The following OSBPL9 variants were observed in gnomAD, a reference collection of about 807,000 sequenced individuals.
OSBPL9 encodes the protein oxysterol-binding protein-related protein 9.
OSBPL9 carries 40 observed loss-of-function variants against 106.6 expected under a neutral mutation model. The ratio of observed to expected loss-of-function variants is 0.38; its 90% confidence interval spans 0.29 to 0.49. OSBPL9 has a LOEUF of 0.49. OSBPL9 is among the 20% of genes least tolerant of loss of function. OSBPL9 has a pLI of 0.97. For synonymous variants in OSBPL9, 269 were observed against 295.4 expected (o/e 0.91, Z 0.92); for missense variants, 609 against 887.2 (o/e 0.69, Z 3.98).
At chr1:51,654,171 G>T (rs1646685288) in intron 2 of OSBPL9, among the ~76,000 whole-genome samples, 1 of 152,134 alleles carries the variant, frequency 6.6e-6, no homozygotes, top group Non-Finnish European at 1.5e-5. Flanking sequence ...ATCAGACTTA[G>T]GTTTGATCCC....
the OSBPL9 span, among the ~76,000 whole-genome samples, chr1:51,521,327 G>A: frequency 1.3e-5 from 2 of 152,146 alleles, no homozygotes; most frequent in Non-Finnish European, 2.9e-5. Flanking sequence ...TCGCTTTGGG[G>A]AGTATAATTT....
chr1:51,580,719 A>G (rs1645215517), intron 1 of OSBPL9, among the ~76,000 whole-genome samples: 1 of 151,570 alleles, frequency 6.6e-6, no homozygotes, highest in Non-Finnish European at 1.5e-5. Flanking sequence ...GCAGGCAAAT[A>G]AATTATCTGC....
At chr1:51,756,423 G>GGCTTCTCCT in intron 9 of OSBPL9, 65 bp downstream of exon 9, 5 of 1,485,278 alleles carry the variant, frequency 3.4e-6, no homozygotes, top group Non-Finnish European at 4.7e-6. Flanking sequence ...AGTCATATCA[G>GGCTTCTCCT]GAGAAGCCTG....
the OSBPL9 span, among the ~76,000 whole-genome samples, chr1:51,568,303 A>G: frequency 5.9e-5 from 9 of 152,224 alleles, no homozygotes; most frequent in African/African-American, 2.2e-4. Context: ...TCTTACAAGT[A>G]GGTGTTACTA....
intron 4 of OSBPL9, among the ~76,000 whole-genome samples, chr1:51,738,271 T>C (rs1666143599): frequency 6.6e-6 from 1 of 152,024 alleles, no homozygotes; most frequent in South Asian, 2.1e-4. Flanking sequence ...AGTAAGGAAT[T>C]GTGCTAAGGG....
At chr1:51,783,215 C>G (rs1266211961) in intron 17 of OSBPL9, among the ~76,000 whole-genome samples, 3 of 152,064 alleles carry the variant, frequency 2.0e-5, no homozygotes, top group African/African-American at 7.2e-5. Flanking sequence ...GGGTCTTGCT[C>G]TGTCCCCCAG....
At chr1:51,747,603 G>A (rs1412319168) in intron 6 of OSBPL9, among the ~76,000 whole-genome samples, 2 of 88,998 alleles carry the variant, frequency 2.2e-5, no homozygotes, top group Non-Finnish European at 4.2e-5. Flanking sequence ...GTATAGCCTT[G>A]CGTTTGGCTC....
chr1:51,769,676 G>A (rs1673416471), intron 12 of OSBPL9, among the ~76,000 whole-genome samples: 2 of 152,156 alleles, frequency 1.3e-5, no homozygotes, highest in Non-Finnish European at 2.9e-5. Context: ...ATACATAGGT[G>A]TTGTTTTTAA....
At chr1:51,719,026 T>TC (rs938415718) in intron 4 of OSBPL9, among the ~76,000 whole-genome samples, 1 of 152,194 alleles carries the variant, frequency 6.6e-6, no homozygotes, top group Non-Finnish European at 1.5e-5. Context: ...TGACTCTTTT[T>TC]CCCCCTAATC....
chr1:51,658,742 A>G (rs1382265361), intron 2 of OSBPL9, among the ~76,000 whole-genome samples: 1 of 151,670 alleles, frequency 6.6e-6, no homozygotes, highest in African/African-American at 2.4e-5. Context: ...CATTGATACC[A>G]TCACTTTTTT....
intron 4 of OSBPL9, among the ~76,000 whole-genome samples, chr1:51,741,992 G>T (rs906943369): frequency 1.3e-5 from 2 of 152,160 alleles, no homozygotes; most frequent in Non-Finnish European, 2.9e-5. Flanking sequence ...TGGAGAAAAG[G>T]CTTGAGGGAG....
In OSBPL9 at chr1:51,748,414, G is replaced by T; in HGVS notation, c.492+16G>T. 6.8e-7 allele frequency: 1 copy of T among 1,477,506 alleles called. No individual in the cohort carries two copies. The highest frequency in any genetic ancestry group is 8.9e-7 in the Non-Finnish European group (1 of 1,118,076). The allele number at this position is 1,477,506 out of a possible 1,614,324, so 91.5% of individuals were successfully genotyped here. ...GACAACAAATGTAAGTTATATGTTT[G>T]ATACATTCTGACTTTGCATTAGAAA... On this transcript the variant is annotated intron_variant, in intron 7 of 23. Coordinates refer to ENST00000428468, the MANE Select transcript of OSBPL9 (RefSeq NM_024586.6).
Position 51,760,753 on chromosome 1 carries a change from A to G in OSBPL9, c.646A>G (p.Met216Val), listed in dbSNP as rs1195626863. The change falls in exon 10 of 24, where the codon ATG becomes GTG. Residue 216 changes from methionine (M) to valine (V), a missense_variant. By Grantham distance (21) the Met-to-Val change is conservative. Coordinates refer to ENST00000428468, the MANE Select transcript of OSBPL9 (RefSeq NM_024586.6). ...PSPLEPVIST[M>V]PSQTVLPPEP... ...TCCTTTGGAACCTGTGATCAGCACA[A>G]TGCCTTCCCAGACTGTGTTACCTCC... 2 of 1,613,790 alleles carry G rather than the reference A, an allele frequency of 1.2e-6. No individual in the cohort carries two copies. Among genetic ancestry groups the G allele is most frequent in the East Asian group, 2.2e-5 (1 of 44,854 alleles).
intron 1 of OSBPL9, among the ~76,000 whole-genome samples, chr1:51,639,745 G>A (rs1419145462): frequency 1.3e-5 from 2 of 149,898 alleles, no homozygotes; most frequent in African/African-American, 4.9e-5. Flanking sequence ...TGTACTTTAA[G>A]CAAAGTAAAA....
the OSBPL9 span, among the ~76,000 whole-genome samples, chr1:51,545,213 G>A: frequency 6.6e-6 from 1 of 152,162 alleles, no homozygotes; most frequent in Non-Finnish European, 1.5e-5. Context: ...GAACTGGGTT[G>A]CGATCTTATT....
intron 1 of OSBPL9, among the ~76,000 whole-genome samples, chr1:51,596,251 G>A (rs1293189904): frequency 3.2e-5 from 4 of 126,826 alleles, no homozygotes; most frequent in Admixed American, 1.8e-4. Context: ...AGAGTGAGAC[G>A]CTGTCTCAAA....
intron 2 of OSBPL9, among the ~76,000 whole-genome samples, chr1:51,653,420 C>T (rs1240483644): frequency 6.6e-6 from 1 of 152,098 alleles, no homozygotes; most frequent in Non-Finnish European, 1.5e-5. Flanking sequence ...TACAGTTAAT[C>T]CACTGGTTTT....
In OSBPL9 at chr1:51,761,958, A is replaced by G. The variant is rs767808679; in HGVS notation, c.765A>G (p.Thr255=). 1 of 1,600,592 alleles carries G rather than the reference A, an allele frequency of 6.2e-7. No individual in the cohort carries two copies. Among genetic ancestry groups the G allele is most frequent in the South Asian group, 1.1e-5 (1 of 90,828 alleles). ...LATLGHHQTP[T]PNSTGSGHSP... ...CCTTGGGACATCATCAGACTCCTAC[A>G]CCAAATAGTACAGGTACAGATTTGC... The change falls in exon 11 of 24, where the codon ACA becomes ACG. Residue 255 remains threonine (T), a synonymous_variant. Coordinates refer to ENST00000428468, the MANE Select transcript of OSBPL9 (RefSeq NM_024586.6).
chr1:51,553,636 G>A, the OSBPL9 span, among the ~76,000 whole-genome samples: 3 of 152,214 alleles, frequency 2.0e-5, no homozygotes, highest in Non-Finnish European at 4.4e-5. Context: ...GAGGCCAGGA[G>A]TTTGAAACCA....
Sources: allele counts gnomAD v4.1 joint callset (sites outside exome capture counted in the v4.1 genomes callset), GRCh38; gene constraint gnomAD v4.1.1; transcripts MANE v1.5; gene names NCBI Gene and HGNC (gene_info 2026-07-23, HGNC 2026-07-21).